LCA5: variants seen among roughly 807,000 people sequenced by gnomAD.
LCA5 encodes lebercilin.
LCA5 carries 37 observed loss-of-function variants against 53.0 expected under a neutral mutation model. The ratio of observed to expected loss-of-function variants is 0.70; its 90% CI spans 0.54 to 0.92. The LOEUF is 0.92. LCA5 is among the 40% of genes least tolerant of loss of function. The pLI, the probability that LCA5 is intolerant of heterozygous loss-of-function variation, is 0.00. For synonymous variants in LCA5, 303 were observed against 282.9 expected, an observed-to-expected ratio of 1.07 and a Z score of -0.71; for missense variants, 806 against 790.5, an observed-to-expected ratio of 1.02 and a Z score of -0.23.
chr6:79,535,113 GA>G (rs1018909515), intron 1 of LCA5, among the ~76,000 whole-genome samples: 1 of 152,052 alleles, frequency 6.6e-6, no homozygotes, highest in Admixed American at 6.6e-5. Flanking sequence ...TGTGTCTACT[GA>G]AAAAAATGGA....
chr6:79,534,469 G>A lies in LCA5; in HGVS notation c.-192+2696C>T, dbSNP rs140090512. On this transcript the variant is annotated intron_variant, in intron 1 of 7. Coordinates refer to ENST00000369846, the MANE Select transcript of LCA5 (RefSeq NM_001122769.3). ...ACTGAACACCTATGAAATGTCAGGC[G>A]CTAGATTATAGATGGAGCTGAAGAT... Among the ~76,000 whole-genome samples the A allele has an allele frequency of 3.0e-3, 455 of 152,010 alleles. 2 individuals carry two copies. The highest frequency in any genetic ancestry group is 0.01 in the African/African-American group (430 of 41,462).
At chr6:79,529,356 G>T (rs1411183326) in intron 1 of LCA5, among the ~76,000 whole-genome samples, 1 of 152,122 alleles carries the variant, frequency 6.6e-6, no homozygotes, top group East Asian at 1.9e-4. Flanking sequence ...CACTTTCAAG[G>T]CATGATAAAT....
chr6:79,503,808 G>A (rs1015919644), intron 3 of LCA5, among the ~76,000 whole-genome samples: 3 of 152,204 alleles, frequency 2.0e-5, no homozygotes, highest in Non-Finnish European at 2.9e-5. Context: ...GCGCGCGTGC[G>A]CGTGCGTATA....
chr6:79,521,277 A>G (rs1431086765), intron 1 of LCA5, among the ~76,000 whole-genome samples: 1 of 152,182 alleles, frequency 6.6e-6, no homozygotes, highest in Non-Finnish European at 1.5e-5. Context: ...AGATTTTTGA[A>G]AAGCAATTCC....
chr6:79,505,976 T>A (rs1363810268), intron 3 of LCA5, among the ~76,000 whole-genome samples: 2 of 152,138 alleles, frequency 1.3e-5, no homozygotes, highest in Non-Finnish European at 2.9e-5. Flanking sequence ...CAATTCTTAC[T>A]TTTGAAAGTG....
rs1769760066 is a variant in LCA5, at chr6:79,489,088, C to T, written c.1227G>A (p.Glu409=). ...HVVKQEVEKL[E]DEWEREELDK... is the part of the protein sequence containing the mutation. Reference sequence around the variant, plus strand: ...TAAACAAACTCTTTTTCTTACCATCCTCCAGCTTTTCAACCTCCTGTTTTA... The same window carrying T: ...TAAACAAACTCTTTTTCTTACCATCTTCCAGCTTTTCAACCTCCTGTTTTA... Residue 409 remains glutamate (E), a synonymous_variant, in exon 7 of 8, where the codon GAG becomes GAA. Coordinates refer to ENST00000369846, the MANE Select transcript of LCA5 (RefSeq NM_001122769.3). 1 of 1,612,974 alleles carries T rather than the reference C, an allele frequency of 6.2e-7. No homozygotes were observed.
In LCA5 at chr6:79,493,699, G is replaced by T; in HGVS notation, c.772C>A (p.Leu258Ile). The T allele has an allele frequency of 6.2e-7, 1 of 1,613,478 alleles. No homozygotes were observed. The highest frequency in any genetic ancestry group is 1.1e-5 in the South Asian group (1 of 91,054). The part of the protein sequence containing the change: ...LSTNSFQRQL[L>I]AERKRAYEAH... ...TCATATGCCCTTTTCCTTTCAGCAA[G>T]CAACTGTCGTTGGAAACTGTTAGTA... is the stretch of plus-strand genomic sequence containing the variant. Residue 258 changes from leucine (L) to isoleucine (I), a missense_variant, in exon 4 of 8, where the codon CTT becomes ATT. Physicochemically the swap from Leu to Ile is conservative, Grantham distance 5. Transcript: ENST00000369846.
intron 1 of LCA5, among the ~76,000 whole-genome samples, chr6:79,527,498 A>G (rs1766825969): frequency 6.6e-6 from 1 of 152,220 alleles, no homozygotes; most frequent in African/African-American, 2.4e-5. Flanking sequence ...TTGAAAAATC[A>G]GAGACAGCTC....
chr6:79,519,905 A>G (rs1766577650), intron 1 of LCA5, among the ~76,000 whole-genome samples: 1 of 152,132 alleles, frequency 6.6e-6, no homozygotes, highest in South Asian at 2.1e-4. Context: ...AATATGAGGT[A>G]AAACAATTAA....
intron 3 of LCA5, among the ~76,000 whole-genome samples, chr6:79,503,121 A>T (rs1433587131): frequency 6.6e-6 from 1 of 152,170 alleles, no homozygotes; most frequent in Non-Finnish European, 1.5e-5. Context: ...AGCTCAACTG[A>T]TCCATCTGCC....
intron 3 of LCA5, among the ~76,000 whole-genome samples, chr6:79,510,817 G>T (rs1472063856): frequency 1.3e-5 from 2 of 152,112 alleles, no homozygotes; most frequent in Non-Finnish European, 2.9e-5. Flanking sequence ...ATGAAAAGAT[G>T]TTCAACATCA....
rs1769844698 is a variant in LCA5 at position 79,491,597 on chromosome 6, A to G, written c.1089T>C (p.His363=). ...CYENKWEEPG[H]LTLDLQSQKQ... is the part of the protein sequence containing the mutation. The stretch of plus-strand genomic sequence containing the variant: ...ATACTGCTAAACTCACCAAAGTAAG[A>G]TGTCCTGGTTCTTCCCATTTGTTTT... The change falls in exon 6 of 8, where the codon CAT becomes CAC. Residue 363 remains histidine (H), a synonymous_variant. Transcript: ENST00000369846. 1.2e-6 allele frequency: 2 copies of G among 1,612,944 alleles called. No individual in the cohort carries two copies. Among genetic ancestry groups the G allele is most frequent in the East Asian group, 2.2e-5 (1 of 44,794 alleles).
chr6:79,487,857 C>G lies in LCA5; in HGVS notation c.1241G>C (p.Arg414Thr). Residue 414 changes from arginine to threonine, a missense_variant, in exon 8 of 8, where the codon AGA (arginine) becomes ACA (threonine). Arg to Thr is a moderately conservative substitution (Grantham distance 71). Transcript: ENST00000369846. ...EVEKLEDEWE[R>T]EELDKKQKEK... ...TTTTTGCTTTTTATCAAGTTCTTCT[C>G]TTTCCCATTCTGTATGAAATCAAAT... The G allele has an allele frequency of 6.2e-7, 1 of 1,604,608 alleles. No homozygotes were observed. Among genetic ancestry groups the G allele is most frequent in the Non-Finnish European group, 8.5e-7 (1 of 1,175,794 alleles).
At chr6:79,523,522 A>G (rs988864972) in intron 1 of LCA5, among the ~76,000 whole-genome samples, 2 of 152,252 alleles carry the variant, frequency 1.3e-5, no homozygotes, top group Non-Finnish European at 2.9e-5. Flanking sequence ...TTACACAGTA[A>G]GAACTTGGTA....
intron 4 of LCA5, among the ~76,000 whole-genome samples, chr6:79,493,278 A>T (rs927529875): frequency 2.0e-5 from 3 of 152,130 alleles, no homozygotes; most frequent in African/African-American, 7.2e-5. Context: ...ATAATAAATC[A>T]TTGGGTGATC....
At chr6:79,535,598 C>G (rs1767089817) in intron 1 of LCA5, among the ~76,000 whole-genome samples, 1 of 151,990 alleles carries the variant, frequency 6.6e-6, no homozygotes, top group Non-Finnish European at 1.5e-5. Context: ...ACAGCTTTGG[C>G]AGGGAAAGGT....
chr6:79,492,671 A>C (rs768891764), intron 4 of LCA5, 24 bp from the exon 5 acceptor site: 8 of 1,180,730 alleles, frequency 6.8e-6, no homozygotes, highest in Middle Eastern at 1.9e-4. Flanking sequence ...CAATACAATT[A>C]AGGAAGTAGA....
intron 3 of LCA5, among the ~76,000 whole-genome samples, chr6:79,504,741 A>G (rs1052371370): frequency 6.6e-6 from 1 of 152,154 alleles, no homozygotes; most frequent in Non-Finnish European, 1.5e-5. Context: ...TCATATTATG[A>G]TATATCTACA....
At chr6:79,518,090 T>C (rs1245184212) in intron 2 of LCA5, among the ~76,000 whole-genome samples, 1 of 152,180 alleles carries the variant, frequency 6.6e-6, no homozygotes, top group Non-Finnish European at 1.5e-5. Flanking sequence ...ATGAAGATAT[T>C]TGTAGAATAT....
Sources: gnomAD v4.1 joint callset for allele counts (sites outside exome capture counted in the v4.1 genomes callset) on GRCh38, gnomAD v4.1.1 for gene constraint, MANE v1.5 for transcripts, NCBI Gene and HGNC (gene_info 2026-07-23, HGNC 2026-07-21) for gene names.